SNX29: variants seen among roughly 807,000 people sequenced by gnomAD.
The protein encoded by SNX29 is sorting nexin 29.
SNX29 carries 78 observed loss-of-function variants against 102.1 expected under a neutral mutation model. The observed-to-expected ratio is 0.76, with a 90% CI of 0.64 to 0.92. SNX29 has a LOEUF of 0.92. SNX29 is among the 40% of genes least tolerant of loss of function. SNX29 has a pLI of 0.00. For missense variants in SNX29, 1,280 were observed against 1,061.7 expected (o/e 1.21, Z -2.86); for synonymous variants, 580 against 414.5 (o/e 1.40, Z -4.85).
intron 20 of SNX29, among the ~76,000 whole-genome samples, chr16:12,529,560 C>T (rs758366167): frequency 2.0e-5 from 3 of 151,892 alleles, no homozygotes; most frequent in Non-Finnish European, 4.4e-5. Flanking sequence ...TTATGTTCTC[C>T]TGCTCCTTGA....
At chr16:12,036,181 C>G (rs1209280450) in intron 4 of SNX29, among the ~76,000 whole-genome samples, 1 of 152,104 alleles carries the variant, frequency 6.6e-6, no homozygotes, top group Non-Finnish European at 1.5e-5. Context: ...GTCCAGCCAT[C>G]TTCCTGCTTC....
At chr16:12,300,698 C>G (rs1026925543) in intron 15 of SNX29, among the ~76,000 whole-genome samples, 7 of 152,168 alleles carry the variant, frequency 4.6e-5, no homozygotes, top group African/African-American at 1.7e-4. Context: ...ACACGTTGCT[C>G]CAGCGGCCGT....
chr16:12,525,188 G>A (rs1040680523), intron 20 of SNX29, among the ~76,000 whole-genome samples: 4 of 152,192 alleles, frequency 2.6e-5, no homozygotes, highest in African/African-American at 7.2e-5. Flanking sequence ...AATTGTGTCA[G>A]TGTTTCTCAA....
At chr16:12,462,589 A>G (rs887666987) in intron 18 of SNX29, among the ~76,000 whole-genome samples, 2 of 134,420 alleles carry the variant, frequency 1.5e-5, no homozygotes, top group Non-Finnish European at 3.2e-5. Context: ...TGGGGATTTC[A>G]TTATACACAC....
chr16:12,205,821 A>G (rs2077031920), intron 14 of SNX29, among the ~76,000 whole-genome samples: 1 of 152,246 alleles, frequency 6.6e-6, no homozygotes, highest in Non-Finnish European at 1.5e-5. Context: ...CCACAAGAGC[A>G]GGGATGTTGG....
Position 12,568,641 on chromosome 16 carries a change from C to G in SNX29, c.*12C>G, listed in dbSNP as rs780187220. ...GCGGTGACCTCTGACCTCGACAAAACCGCAGCCACGGGCCCTGTGCGTGGC... is the reference window on the plus strand; with the variant it reads ...GCGGTGACCTCTGACCTCGACAAAAGCGCAGCCACGGGCCCTGTGCGTGGC... On this transcript the variant is annotated 3_prime_UTR_variant, in exon 21 of 21. Coordinates refer to ENST00000566228, the MANE Select transcript of SNX29 (RefSeq NM_032167.5). 10 of 1,601,074 alleles carry G rather than the reference C, an allele frequency of 6.2e-6. No individual in the cohort carries two copies. The African/African-American group carries it at 1.2e-4, about 19-fold the overall frequency.
chr16:12,266,922 C>A (rs1050005917), intron 14 of SNX29, among the ~76,000 whole-genome samples: 4 of 152,026 alleles, frequency 2.6e-5, no homozygotes, highest in Non-Finnish European at 5.9e-5. Context: ...CGCCACCACG[C>A]CTGGCTAATT....
At chr16:11,984,623 C>CCTCTCTCCCTCT (rs1445975779) in intron 1 of SNX29, among the ~76,000 whole-genome samples, 2 of 151,764 alleles carry the variant, frequency 1.3e-5, no homozygotes, top group Non-Finnish European at 2.9e-5. Flanking sequence ...CCCTCTCCTC[C>CCTCTCTCCCTCT]CTCTCTCCCT....
chr16:12,503,968 A>T (rs1464851891), intron 19 of SNX29, among the ~76,000 whole-genome samples: 1 of 152,186 alleles, frequency 6.6e-6, no homozygotes, highest in Non-Finnish European at 1.5e-5. Flanking sequence ...GTATATTCAG[A>T]GTTGTGCAGC....
At chr16:12,542,650 T>A (rs1051013585) in intron 20 of SNX29, among the ~76,000 whole-genome samples, 1 of 152,116 alleles carries the variant, frequency 6.6e-6, no homozygotes, top group African/African-American at 2.4e-5. Flanking sequence ...ACACTTAAAC[T>A]TGTGTTTGAA....
intron 20 of SNX29, among the ~76,000 whole-genome samples, chr16:12,560,409 C>CAG (rs1277260430): frequency 1.3e-5 from 2 of 152,158 alleles, no homozygotes; most frequent in Non-Finnish European, 2.9e-5. Context: ...CCAAAAGCCA[C>CAG]AGTGTCTGTC....
intron 14 of SNX29, among the ~76,000 whole-genome samples, chr16:12,272,774 A>G (rs2079129499): frequency 6.6e-6 from 1 of 152,122 alleles, no homozygotes; most frequent in Non-Finnish European, 1.5e-5. Context: ...CCCCTCTTGG[A>G]AGCTTTTCCA....
chr16:12,150,717 A>G (rs1167947441), intron 13 of SNX29, among the ~76,000 whole-genome samples: 2 of 152,236 alleles, frequency 1.3e-5, no homozygotes, highest in Non-Finnish European at 2.9e-5. Context: ...GGAGGCCCCA[A>G]GTCCGTGAGG....
intron 18 of SNX29, among the ~76,000 whole-genome samples, chr16:12,445,166 T>C (rs908079378): frequency 6.6e-6 from 1 of 151,072 alleles, no homozygotes; most frequent in African/African-American, 2.4e-5. Context: ...TTTTTTTTTG[T>C]TTTTGAATAA....
At chr16:12,395,542 C>A (rs942965186) in intron 16 of SNX29, among the ~76,000 whole-genome samples, 1 of 152,178 alleles carries the variant, frequency 6.6e-6, no homozygotes, top group Non-Finnish European at 1.5e-5. Context: ...AAGACTGCCG[C>A]GTGAGTGCCC....
chr16:12,112,871 G>C (rs1208705026), intron 11 of SNX29, among the ~76,000 whole-genome samples: 2 of 152,176 alleles, frequency 1.3e-5, no homozygotes, highest in East Asian at 3.8e-4. Context: ...GAGGAGGATG[G>C]AATGGAGAAT....
chr16:12,161,104 A>G (rs563642116), intron 13 of SNX29, among the ~76,000 whole-genome samples: 4 of 152,230 alleles, frequency 2.6e-5, no homozygotes, highest in African/African-American at 4.8e-5. Context: ...ACCTCCCTCT[A>G]TCAGTCCCGC....
chr16:12,076,076 TTCCTTGAACAGGAAAGGGAACTC>T (rs2151326543), intron 10 of SNX29, among the ~76,000 whole-genome samples: 1 of 152,312 alleles, frequency 6.6e-6, no homozygotes, highest in South Asian at 2.1e-4. Flanking sequence ...TGTCACCCCT[TTCCTTGAACAGGAAAGGGAACTC>T]CCTGACCCCT....
At chr16:12,204,686 A>C (rs926996641) in intron 14 of SNX29, among the ~76,000 whole-genome samples, 6 of 152,212 alleles carry the variant, frequency 3.9e-5, no homozygotes, top group African/African-American at 1.2e-4. Flanking sequence ...GCTTGGGAGC[A>C]ATTTAAAAAG....
Sources: gnomAD v4.1 joint callset for allele counts (sites outside exome capture counted in the v4.1 genomes callset) on GRCh38, gnomAD v4.1.1 for gene constraint, MANE v1.5 for transcripts, NCBI Gene and HGNC (gene_info 2026-07-23, HGNC 2026-07-21) for gene names.